The following SOX5 variants were observed in gnomAD, a reference collection of about 807,000 sequenced individuals.
SOX5 encodes transcription factor SOX-5.
A neutral mutation model predicts 92.0 loss-of-function variants in SOX5; 9 were observed. The observed-to-expected ratio is 0.10, with a 90% CI of 0.06 to 0.17. The LOEUF (loss-of-function observed/expected upper bound fraction) is 0.17. SOX5 is among the 10% of genes least tolerant of loss of function. The pLI is 1.00. For missense variants in SOX5, 642 were observed against 944.5 expected (o/e 0.68, Z 4.20); for synonymous variants, 344 against 336.3 (o/e 1.02, Z -0.25).
chr12:23,784,881 A>C (rs2095351651), intron 3 of SOX5, among the ~76,000 whole-genome samples: 1 of 152,152 alleles, frequency 6.6e-6, no homozygotes, highest in Admixed American at 6.5e-5. Flanking sequence ...GTTCAAGGTC[A>C]GCCTGGGCAA....
chr12:23,742,817 C>T (rs896879200), intron 4 of SOX5, among the ~76,000 whole-genome samples: 1 of 152,086 alleles, frequency 6.6e-6, no homozygotes, highest in African/African-American at 2.4e-5. Flanking sequence ...CATAGCAAGA[C>T]TCCATTTCTA....
chr12:23,755,792 C>T (rs1028781317), intron 3 of SOX5, 68 bp from the exon 4 acceptor site: 8 of 1,046,682 alleles, frequency 7.6e-6, no homozygotes, highest in Middle Eastern at 2.1e-4. Flanking sequence ...CATTAAAAGT[C>T]TATCTGCTAA....
chr12:24,264,859 A>G (rs1942782435), intron 3 of SOX5, among the ~76,000 whole-genome samples: 1 of 152,232 alleles, frequency 6.6e-6, no homozygotes, highest in Non-Finnish European at 1.5e-5. Context: ...GTCTATTATA[A>G]AGGATGCTGA....
At chr12:24,008,916 C>A (rs1169562711) in intron 4 of SOX5, among the ~76,000 whole-genome samples, 2 of 152,134 alleles carry the variant, frequency 1.3e-5, no homozygotes, top group African/African-American at 2.4e-5. Context: ...TGCATGACTT[C>A]CAAGGCTAGG....
intron 9 of SOX5, among the ~76,000 whole-genome samples, chr12:23,585,847 TTC>T (rs951408056): frequency 2.0e-5 from 3 of 152,164 alleles, no homozygotes; most frequent in African/African-American, 4.8e-5. Context: ...ATCTCCTCTC[TTC>T]TCTTTGTCGC....
At chr12:24,405,432 G>T (rs769360734) in intron 1 of SOX5, among the ~76,000 whole-genome samples, 10 of 152,154 alleles carry the variant, frequency 6.6e-5, no homozygotes, top group Non-Finnish European at 1.0e-4. Flanking sequence ...CACTGAGGGG[G>T]TGTCAGTTAA....
chr12:23,980,374 T>C (rs1949458961), intron 4 of SOX5, among the ~76,000 whole-genome samples: 1 of 152,188 alleles, frequency 6.6e-6, no homozygotes, highest in East Asian at 1.9e-4. Flanking sequence ...GAAATTTTAA[T>C]GTCAATAATA....
At chr12:23,632,522 C>T (rs1346498667) in intron 8 of SOX5, among the ~76,000 whole-genome samples, 1 of 152,096 alleles carries the variant, frequency 6.6e-6, no homozygotes, top group Admixed American at 6.6e-5. Flanking sequence ...GGAAGTTTCT[C>T]TTGGCCAAGC....
chr12:24,000,701 A>G (rs1951514586), intron 4 of SOX5, among the ~76,000 whole-genome samples: 2 of 152,182 alleles, frequency 1.3e-5, no homozygotes, highest in African/African-American at 2.4e-5. Context: ...ATCCAACCCT[A>G]TAATAACTGC....
intron 3 of SOX5, among the ~76,000 whole-genome samples, chr12:23,772,236 A>C (rs780083778): frequency 3.9e-5 from 6 of 152,250 alleles, no homozygotes; most frequent in Non-Finnish European, 8.8e-5. Context: ...TGATGTCTTC[A>C]TCTTTGGCCC....
At chr12:24,543,241 G>GGTAA (rs1952307390) in intron 1 of SOX5, among the ~76,000 whole-genome samples, 1 of 152,048 alleles carries the variant, frequency 6.6e-6, no homozygotes, top group African/African-American at 2.4e-5. Context: ...GCTCCGTAAG[G>GGTAA]GTAAGGACCA....
intron 8 of SOX5, among the ~76,000 whole-genome samples, chr12:23,609,854 A>G (rs980700764): frequency 2.0e-5 from 3 of 152,130 alleles, no homozygotes; most frequent in African/African-American, 7.2e-5. Context: ...ATAAGCTTGA[A>G]TTGTATCTAA....
intron 13 of SOX5, among the ~76,000 whole-genome samples, chr12:23,541,398 C>T (rs1288154996): frequency 6.6e-6 from 1 of 152,084 alleles, no homozygotes; most frequent in Non-Finnish European, 1.5e-5. Context: ...TTGGGAATAA[C>T]TGATATATTA....
intron 3 of SOX5, among the ~76,000 whole-genome samples, chr12:23,810,335 T>C (rs999210057): frequency 6.6e-6 from 1 of 152,160 alleles, no homozygotes; most frequent in Non-Finnish European, 1.5e-5. Context: ...GATCATTTCA[T>C]GTGTACAGCA....
intron 4 of SOX5, among the ~76,000 whole-genome samples, chr12:24,186,638 A>C (rs1034728055): frequency 3.3e-5 from 5 of 152,160 alleles, no homozygotes; most frequent in Non-Finnish European, 2.9e-5. Context: ...TATGAAAATC[A>C]AGTATAAAGA....
intron 1 of SOX5, among the ~76,000 whole-genome samples, chr12:23,944,562 A>G (rs1328611383): frequency 1.1e-4 from 16 of 152,192 alleles, no homozygotes; most frequent in Admixed American, 1.0e-3. Flanking sequence ...GTTCCTGATC[A>G]TAATGAAGGA....
chr12:23,739,735 C>T (rs1356567763), intron 5 of SOX5, among the ~76,000 whole-genome samples: 4 of 152,144 alleles, frequency 2.6e-5, no homozygotes, highest in African/African-American at 4.8e-5. Flanking sequence ...CTCCTATCCC[C>T]GATATTAACA....
intron 1 of SOX5, among the ~76,000 whole-genome samples, chr12:24,528,888 G>A (rs1189023761): frequency 6.6e-6 from 1 of 152,262 alleles, no homozygotes; most frequent in South Asian, 2.1e-4. Context: ...TGTTTTTGTA[G>A]GCAAATATTC....
intron 9 of SOX5, among the ~76,000 whole-genome samples, chr12:23,597,990 G>A (rs2137309277): frequency 6.6e-6 from 1 of 152,272 alleles, no homozygotes; most frequent in African/African-American, 2.4e-5. Flanking sequence ...ACAGTTTCAG[G>A]ATGGATCAGT....
Sources: gnomAD v4.1 joint callset for allele counts (sites outside exome capture counted in the v4.1 genomes callset) on GRCh38, gnomAD v4.1.1 for gene constraint, MANE v1.5 for transcripts, NCBI Gene and HGNC (gene_info 2026-07-23, HGNC 2026-07-21) for gene names.